VPS53: variants seen among roughly 807,000 people sequenced by gnomAD.
VPS53 encodes vacuolar protein sorting-associated protein 53 homolog.
VPS53 carries 70 observed loss-of-function variants against 107.0 expected under a neutral mutation model. The observed-to-expected ratio is 0.65, with a 90% CI of 0.54 to 0.80. The LOEUF (loss-of-function observed/expected upper bound fraction) is 0.80, where lower values mean the gene tolerates loss of function less well. Ranked by LOEUF, VPS53 falls within the 30% of genes least tolerant of loss-of-function variation. VPS53 has a pLI of 0.00. For synonymous variants in VPS53, 409 were observed against 393.3 expected, an observed-to-expected ratio of 1.04 and a Z score of -0.47; for missense variants, 917 against 1,049.4, an observed-to-expected ratio of 0.87 and a Z score of 1.74.
At chr17:590,177 T>C (rs1967561164) in intron 12 of VPS53, among the ~76,000 whole-genome samples, 1 of 151,690 alleles carries the variant, frequency 6.6e-6, no homozygotes, top group South Asian at 2.1e-4. Flanking sequence ...GGCTCTCTGT[T>C]TGTCTGTTGT....
intron 3 of VPS53, among the ~76,000 whole-genome samples, 179 bp from the exon 4 acceptor site, chr17:697,663 A>T (rs1018060837): frequency 6.6e-5 from 10 of 151,826 alleles, no homozygotes; most frequent in African/African-American, 2.4e-4. Flanking sequence ...CCGTGCGGGA[A>T]GTCAAGCCCA....
chr17:663,587 G>A (rs774948311), intron 4 of VPS53, among the ~76,000 whole-genome samples: 100 of 152,240 alleles, frequency 6.6e-4, no homozygotes, highest in Non-Finnish European at 1.1e-3. Flanking sequence ...TGGACCGTCC[G>A]TGAGTAAAGA....
intron 5 of VPS53, among the ~76,000 whole-genome samples, chr17:656,596 C>T (rs889390835): frequency 2.6e-5 from 4 of 152,140 alleles, no homozygotes; most frequent in African/African-American, 9.7e-5. Flanking sequence ...ATATTTCAGT[C>T]ACCAGAAAAG....
At chr17:535,401 A>G (rs1909966807) in intron 18 of VPS53, among the ~76,000 whole-genome samples, 1 of 135,306 alleles carries the variant, frequency 7.4e-6, no homozygotes, top group African/African-American at 2.5e-5. Context: ...GGGACTGGCT[A>G]AGTCAACGGA....
Position 620,133 on chromosome 17 carries a change from GAA to G in VPS53, c.1116+3398_1116+3399del, listed in dbSNP as rs150466863. ...TACATATTTTTGATGTGCTAAGTAG[GAA>G]AAGAGTGCTTTGTGGTTTCAGCTGC... On this transcript the variant is annotated intron_variant, in intron 11 of 21. Transcript: ENST00000437048. 2.7e-3 allele frequency among the ~76,000 whole-genome samples: 407 copies of G among 152,298 alleles called. 7 individuals are homozygous for G. The East Asian group carries it at 0.073, about 27-fold the overall frequency.
At chr17:525,339 G>A (rs1343379118) in intron 19 of VPS53, among the ~76,000 whole-genome samples, 3 of 152,172 alleles carry the variant, frequency 2.0e-5, no homozygotes, top group Non-Finnish European at 4.4e-5. Context: ...TGGGCAGGGT[G>A]GGGTTCATGG....
intron 4 of VPS53, among the ~76,000 whole-genome samples, chr17:691,149 G>A (rs927719890): frequency 5.3e-5 from 8 of 152,172 alleles, no homozygotes; most frequent in African/African-American, 1.9e-4. Context: ...AGAATGGTTA[G>A]CCTAGAAAAG....
At chr17:661,682 T>C (rs1971443841) in intron 5 of VPS53, 127 bp downstream of exon 5, 3 of 848,362 alleles carry the variant, frequency 3.5e-6, no homozygotes, top group East Asian at 5.3e-5. Context: ...GGGCTTGCTT[T>C]AGAGATGCAG....
chr17:590,229 T>A (rs1967564686), intron 12 of VPS53, among the ~76,000 whole-genome samples: 1 of 152,172 alleles, frequency 6.6e-6, no homozygotes, highest in Admixed American at 6.5e-5. Flanking sequence ...ATTGATTTTG[T>A]ATCCTGAGAC....
At chr17:647,110 T>C (rs182293426) in intron 7 of VPS53, among the ~76,000 whole-genome samples, 221 of 152,330 alleles carry the variant, frequency 1.5e-3, no homozygotes, top group African/African-American at 4.0e-3. Flanking sequence ...CCAAACTCCA[T>C]GAGACTCCCT....
intron 13 of VPS53, among the ~76,000 whole-genome samples, chr17:565,228 C>T (rs1019134980): frequency 1.3e-5 from 2 of 151,702 alleles, no homozygotes; most frequent in Non-Finnish European, 2.9e-5. Context: ...ATAGAGAAAC[C>T]CCGTCTTCAC....
intron 11 of VPS53, among the ~76,000 whole-genome samples, chr17:615,579 G>A (rs1400704464): frequency 1.3e-5 from 2 of 152,138 alleles, no homozygotes; most frequent in Non-Finnish European, 2.9e-5. Context: ...TTGGCTCCTT[G>A]GCTGACATCT....
At position 508,721 on chromosome 17, in the gene VPS53, GT is replaced by G. The variant is rs1488926859; in HGVS notation, c.*10406del. The G allele has an allele frequency of 2.0e-5, 3 of 152,098 alleles. No homozygotes were observed. The highest frequency in any genetic ancestry group is 6.6e-5 in the Admixed American group (1 of 15,260). 9.4% of individuals were successfully genotyped at this position (152,098 alleles called of 1,614,324 possible). A position where few individuals can be genotyped will look rare whatever the true frequency, so the allele number is the denominator to read the frequency against. ...AGCCTCTACCATTGCAAGAAGAGCT[GT>G]TTAAAACAAAACAAAATGGATACTA... On this transcript the variant is annotated 3_prime_UTR_variant, in exon 22 of 22. Transcript: ENST00000437048.
chr17:559,282 AT>A (rs1912726553), intron 15 of VPS53, among the ~76,000 whole-genome samples: 3 of 152,180 alleles, frequency 2.0e-5, no homozygotes. Context: ...AGGGATCTTT[AT>A]TTTTTTAAAT....
At chr17:574,751 A>T (rs1914457770) in intron 13 of VPS53, among the ~76,000 whole-genome samples, 1 of 152,176 alleles carries the variant, frequency 6.6e-6, no homozygotes, top group Non-Finnish European at 1.5e-5. Flanking sequence ...GCTGACACTG[A>T]GACCCCGTCT....
chr17:619,063 C>T (rs1969317784), intron 11 of VPS53, among the ~76,000 whole-genome samples: 2 of 140,764 alleles, frequency 1.4e-5, no homozygotes, highest in African/African-American at 2.7e-5. Context: ...TCCCGGGTAG[C>T]TGGGACTACA....
At chr17:584,895 G>A (rs923862753) in intron 13 of VPS53, among the ~76,000 whole-genome samples, 3 of 152,166 alleles carry the variant, frequency 2.0e-5, no homozygotes, top group Non-Finnish European at 4.4e-5. Context: ...AGTTCATACT[G>A]ATATATAAAC....
intron 5 of VPS53, chr17:656,997 T>C (rs1036046463): frequency 2.3e-6 from 2 of 880,496 alleles, no homozygotes; most frequent in African/African-American, 3.3e-5. Context: ...CTCTCTCTGT[T>C]GGGGATCACA....
chr17:693,462 C>T (rs1361335097), intron 4 of VPS53, among the ~76,000 whole-genome samples: 1 of 152,122 alleles, frequency 6.6e-6, no homozygotes, highest in Admixed American at 6.5e-5. Context: ...TGTCTCATGC[C>T]TATAATCTCA....
Sources: allele counts gnomAD v4.1 joint callset (sites outside exome capture counted in the v4.1 genomes callset), GRCh38; gene constraint gnomAD v4.1.1; transcripts MANE v1.5; gene names NCBI Gene and HGNC (gene_info 2026-07-23, HGNC 2026-07-21).